The following FASTKD3 variants were observed in gnomAD, a reference collection of about 807,000 sequenced individuals.
FASTKD3 encodes FAST kinase domain-containing protein 3, mitochondrial.
Under a neutral mutation model 49.7 loss-of-function variants are expected in FASTKD3, and 47 were observed. That is an observed-to-expected ratio of 0.95 (90% confidence interval 0.75 to 1.21). The LOEUF is 1.21. Ranked by LOEUF, FASTKD3 falls within the 50% of genes most tolerant of loss-of-function variation. FASTKD3 has a pLI of 0.00. For synonymous variants in FASTKD3, 284 were observed against 288.6 expected, an observed-to-expected ratio of 0.98 and a Z score of 0.16; for missense variants, 748 against 765.7, an observed-to-expected ratio of 0.98 and a Z score of 0.27.
intron 3 of FASTKD3, among the ~76,000 whole-genome samples, chr5:7,865,669 C>T (rs942478470): frequency 6.6e-6 from 1 of 152,108 alleles, no homozygotes; most frequent in African/African-American, 2.4e-5. Flanking sequence ...ATGCCTGCAG[C>T]ACTTGATAAA....
intron 6 of FASTKD3, among the ~76,000 whole-genome samples, chr5:7,860,866 A>G (rs960847709): frequency 1.3e-5 from 2 of 152,218 alleles, no homozygotes; most frequent in African/African-American, 2.4e-5. Flanking sequence ...TAATAATTAT[A>G]TAACTAGGAA....
chr5:7,868,804 C>G (rs137971893), intron 1 of FASTKD3, among the ~76,000 whole-genome samples, 175 bp downstream of exon 1: 180 of 152,316 alleles, frequency 1.2e-3, no homozygotes, highest in African/African-American at 4.2e-3. Flanking sequence ...ACGGGAGGCC[C>G]CGCGGCGCGT....
chr5:7,862,902 C>T lies in FASTKD3; in HGVS notation c.1620G>A (p.Val540=). 1.2e-6 allele frequency: 2 copies of T among 1,614,064 alleles called. No individual in the cohort carries two copies. The highest frequency in any genetic ancestry group is 1.7e-6 in the Non-Finnish European group (2 of 1,179,976). ...TPVDSQLYRY[V]KIGLTNLLGA... is the part of the protein sequence containing the mutation. ...CTAAAAGGTTAGTCAGCCCAATCTT[C>T]ACATATCTATAAAGCTGAGAATCCA... Residue 540 remains valine, a synonymous_variant, in exon 4 of 7, where the codon GTG becomes GTA. Coordinates refer to ENST00000264669, the MANE Select transcript of FASTKD3 (RefSeq NM_024091.4).
chr5:7,867,262 T>G lies in FASTKD3; in HGVS notation c.822A>C (p.Gln274His), dbSNP rs761614043. ...QACTEKVDEH[Q>H]TFLNKINNFS... ...AGTTGTTTATCTTATTTAAAAATGT[T>G]TGGTGTTCATCCACTTTTTCAGTAC... Residue 274 changes from glutamine (Q) to histidine (H), a missense_variant, in exon 2 of 7, where the codon CAA becomes CAC. Gln to His is a conservative substitution (Grantham distance 24, BLOSUM62 0). Around this residue, in one of 3 missense-constraint regions of FASTKD3, gnomAD observed 564 missense variants for 562.8 expected, o/e 1.00. Coordinates refer to ENST00000264669, the MANE Select transcript of FASTKD3 (RefSeq NM_024091.4). 8.1e-6 allele frequency: 13 copies of G among 1,613,940 alleles called. No individual in the cohort carries two copies. In the African/African-American group the frequency reaches 1.3e-4, roughly 17 times the overall value.
chr5:7,865,832 G>T, intron 3 of FASTKD3, 66 bp downstream of exon 3: 1 of 1,229,146 alleles, frequency 8.1e-7, no homozygotes, highest in Non-Finnish European at 1.2e-6. Context: ...CAGATCAGAA[G>T]TAAAGGAACT....
rs763885887 is a variant in FASTKD3 at position 7,866,670 on chromosome 5, G to C, written c.1414C>G (p.Pro472Ala). 6.3e-7 allele frequency: 1 copy of C among 1,595,980 alleles called. No individual in the cohort carries two copies. Among genetic ancestry groups the C allele is most frequent in the Non-Finnish European group, 8.5e-7 (1 of 1,172,424 alleles). The part of the protein sequence containing the change: ...PVNFLAKIFK[P>A]LFLQRLQGKE... Reference sequence around the variant, plus strand: ...CCTTGCAGCCGTTGAAGGAAAAGAGGCTTGAATATTTTTGCCAGAAAGTTG... The same window carrying C: ...CCTTGCAGCCGTTGAAGGAAAAGAGCCTTGAATATTTTTGCCAGAAAGTTG... The change falls in exon 2 of 7, where the codon CCT becomes GCT. Residue 472 changes from proline (P) to alanine (A), a missense_variant. Pro to Ala is a conservative substitution (Grantham distance 27, BLOSUM62 -1). Transcript: ENST00000264669.
At position 7,868,193 on chromosome 5, in the gene FASTKD3, G is replaced by A; in HGVS notation, c.-110C>T. On this transcript the variant is annotated 5_prime_UTR_variant, in exon 2 of 7. Transcript: ENST00000264669. ...TCAATGTTTATGAAACTACAAACGA[G>A]TATCTGGAAAAAAAAAAAAAAAAAA... is the stretch of plus-strand genomic sequence containing the variant. 1 of 235,040 alleles carries A rather than the reference G, an allele frequency of 4.3e-6. No individual in the cohort carries two copies. The highest frequency in any genetic ancestry group is 7.0e-6 in the Non-Finnish European group (1 of 143,244). The allele number at this position is 235,040 out of a possible 1,614,324, so 14.6% of individuals were successfully genotyped here. A position where few individuals can be genotyped will look rare whatever the true frequency, so the allele number is the denominator to read the frequency against.
Position 7,861,185 on chromosome 5 carries a change from T to C in FASTKD3, c.1848A>G (p.Gln616=). 6.2e-7 allele frequency: 1 copy of C among 1,612,658 alleles called. No individual in the cohort carries two copies. Among genetic ancestry groups the C allele is most frequent in the Non-Finnish European group, 8.5e-7 (1 of 1,178,998 alleles). Residue 616 remains glutamine, a synonymous_variant, in exon 6 of 7, where the codon CAA becomes CAG. Transcript: ENST00000264669. ...KHLLGKEAIK[Q]RHLQLLGYQV... ...GATAACCGAGTAACTGTAGGTGTCTTTGTTTAATAGCTTCTTTCCCCAGTA... is the reference window on the plus strand; with the variant it reads ...GATAACCGAGTAACTGTAGGTGTCTCTGTTTAATAGCTTCTTTCCCCAGTA...
chr5:7,860,295 A>G (rs1746443912), intron 6 of FASTKD3, among the ~76,000 whole-genome samples: 1 of 152,306 alleles, frequency 6.6e-6, no homozygotes, highest in East Asian at 1.9e-4. Context: ...GGCAGCGCTC[A>G]TTCTCACGCA....
intron 3 of FASTKD3, among the ~76,000 whole-genome samples, chr5:7,864,914 G>A (rs1746828532): frequency 6.6e-6 from 1 of 151,964 alleles, no homozygotes; most frequent in Non-Finnish European, 1.5e-5. Context: ...AGTATGACAG[G>A]ATTTGCAAGA....
Position 7,859,552 on chromosome 5 carries a change from A to G in FASTKD3, c.1885-13T>C, listed in dbSNP as rs1561089350. The G allele has an allele frequency of 1.3e-6, 2 of 1,540,308 alleles. No individual in the cohort carries two copies. The highest frequency in any genetic ancestry group is 1.8e-6 in the Non-Finnish European group (2 of 1,123,968). Reference sequence around the variant, plus strand: ...CATGATAGGGGATCTGTAAAGGTAGAAAAGTAAAACTGGTCAAGATCCTTC... The same window carrying G: ...CATGATAGGGGATCTGTAAAGGTAGGAAAGTAAAACTGGTCAAGATCCTTC... On this transcript the variant is annotated splice_polypyrimidine_tract_variant and intron_variant, in intron 6 of 6. Transcript: ENST00000264669.
At position 7,868,962 on chromosome 5, in the gene FASTKD3, CCCGCGTTGACACCTA is replaced by C; in HGVS notation, c.-114+2_-114+16del. On this transcript the variant is annotated splice_donor_variant and splice_donor_5th_base_variant and intron_variant, in intron 1 of 6. Coordinates refer to ENST00000264669, the MANE Select transcript of FASTKD3 (RefSeq NM_024091.4). LOFTEE classifies it low-confidence loss of function (5UTR_SPLICE). The stretch of plus-strand genomic sequence containing the variant: ...CCAGCCGGACCAACTGCGCGGAGAC[CCCGCGTTGACACCTA>C]CCGCGCTCTGCCGGGCAATCACTCC... 2 of 761,432 alleles carry C rather than the reference CCCGCGTTGACACCTA, an allele frequency of 2.6e-6. No individual in the cohort carries two copies. The highest frequency in any genetic ancestry group is 2.9e-5 in the South Asian group (2 of 69,950). The allele number at this position is 761,432 out of a possible 1,614,324, so 47.2% of individuals were successfully genotyped here. A position where few individuals can be genotyped will look rare whatever the true frequency, so the allele number is the denominator to read the frequency against.
Position 7,861,202 on chromosome 5 carries a change from T to C in FASTKD3, c.1831A>G (p.Lys611Glu). 6.2e-7 allele frequency: 1 copy of C among 1,612,728 alleles called. No homozygotes were observed. Among genetic ancestry groups the C allele is most frequent in the Non-Finnish European group, 8.5e-7 (1 of 1,179,116 alleles). Residue 611 changes from lysine to glutamate, a missense_variant, in exon 6 of 7, where the codon AAA (lysine) becomes GAA (glutamate). Around this residue, in one of 3 missense-constraint regions of FASTKD3, gnomAD observed 178 missense variants for 182.2 expected, o/e 0.98. Coordinates refer to ENST00000264669, the MANE Select transcript of FASTKD3 (RefSeq NM_024091.4). ...AGGTGTCTTTGTTTAATAGCTTCTT[T>C]CCCCAGTAAGTGTTTGCTATTGGAG... ...FCSNSKHLLG[K>E]EAIKQRHLQL...
intron 3 of FASTKD3, among the ~76,000 whole-genome samples, chr5:7,863,531 TATAATG>T (rs761027571): frequency 1.3e-5 from 2 of 152,110 alleles, no homozygotes; most frequent in African/African-American, 4.8e-5. Flanking sequence ...AACTGGTAAA[TATAATG>T]AGAATATTTT....
chr5:7,867,789 TCTC>T lies in FASTKD3; in HGVS notation c.292_294del (p.Glu98del). ...CTCAGTCTCCTGTAAAACATCTGAC[TCTC>T]CTCATTTTTAACATTTTGTTCAAGC... On this transcript the variant is annotated inframe_deletion, in exon 2 of 7. Coordinates refer to ENST00000264669, the MANE Select transcript of FASTKD3 (RefSeq NM_024091.4). 2 of 1,614,198 alleles carry T rather than the reference TCTC, an allele frequency of 1.2e-6. No homozygotes were observed. Among genetic ancestry groups the T allele is most frequent in the Non-Finnish European group, 1.7e-6 (2 of 1,180,030 alleles).
intron 1 of FASTKD3, among the ~76,000 whole-genome samples, 192 bp downstream of exon 1, chr5:7,868,783 AAGAC>A (rs764783144): frequency 5.9e-5 from 9 of 152,226 alleles, no homozygotes; most frequent in East Asian, 1.9e-4. Context: ...ACGTGTGTGC[AAGAC>A]AGACAGACGG....
intron 3 of FASTKD3, among the ~76,000 whole-genome samples, chr5:7,863,805 T>C (rs1746725689): frequency 6.6e-6 from 1 of 152,186 alleles, no homozygotes; most frequent in Admixed American, 6.5e-5. Flanking sequence ...AATGATTGCG[T>C]GCTTGAAAAT....
At chr5:7,862,609 C>A (rs1319478536) in intron 4 of FASTKD3, among the ~76,000 whole-genome samples, 1 of 151,836 alleles carries the variant, frequency 6.6e-6, no homozygotes, top group Non-Finnish European at 1.5e-5. Flanking sequence ...AATATTCTGC[C>A]CAGGATATTC....
At chr5:7,868,530 C>A (rs1054924047) in intron 1 of FASTKD3, among the ~76,000 whole-genome samples, 1 of 152,020 alleles carries the variant, frequency 6.6e-6, no homozygotes, top group Non-Finnish European at 1.5e-5. Context: ...GGATAGAAAT[C>A]AAAGAACAGG....
Sources: allele counts gnomAD v4.1 joint callset (sites outside exome capture counted in the v4.1 genomes callset), GRCh38; gene constraint gnomAD v4.1.1; regional missense constraint gnomAD v4.1.1; transcripts MANE v1.5; gene names NCBI Gene and HGNC (gene_info 2026-07-23, HGNC 2026-07-21).